Variants in APBA2 observed in about 807,000 individuals in gnomAD.
APBA2 encodes the protein amyloid beta precursor protein binding family A member 2.
A neutral mutation model predicts 75.0 loss-of-function variants in APBA2; 30 were observed. The observed-to-expected ratio is 0.40, with a 90% confidence interval of 0.30 to 0.54. The LOEUF (loss-of-function observed/expected upper bound fraction) is 0.54. Ranked by LOEUF, APBA2 falls within the 20% of genes least tolerant of loss-of-function variation. The pLI is 0.49. For synonymous variants in APBA2, 444 were observed against 409.6 expected, an observed-to-expected ratio of 1.08 and a Z score of -1.01; for missense variants, 801 against 1,016.1, an observed-to-expected ratio of 0.79 and a Z score of 2.88.
intron 2 of APBA2, among the ~76,000 whole-genome samples, chr15:28,944,518 C>T (rs1287832050): frequency 3.9e-5 from 6 of 152,246 alleles, no homozygotes; most frequent in African/African-American, 1.4e-4. Flanking sequence ...TGCGGACTCG[C>T]TCCTCGCAAT....
chr15:29,039,938 T>C (rs1315741490), intron 3 of APBA2, among the ~76,000 whole-genome samples: 3 of 152,132 alleles, frequency 2.0e-5, no homozygotes, highest in South Asian at 4.1e-4. Flanking sequence ...CACATTAGAA[T>C]AGAGTTTCTG....
At chr15:28,944,775 G>T (rs1415788956) in intron 2 of APBA2, among the ~76,000 whole-genome samples, 1 of 152,228 alleles carries the variant, frequency 6.6e-6, no homozygotes, top group East Asian at 1.9e-4. Context: ...AAAAGAACAT[G>T]AAATGTGGTT....
chr15:28,949,108 G>A (rs78307649), intron 2 of APBA2, among the ~76,000 whole-genome samples: 3 of 152,014 alleles, frequency 2.0e-5, no homozygotes, highest in Non-Finnish European at 4.4e-5. Flanking sequence ...CTGGCTGAGC[G>A]TCATGGCAGG....
At chr15:28,895,082 C>G (rs1348827151) in intron 1 of APBA2, among the ~76,000 whole-genome samples, 2 of 152,200 alleles carry the variant, frequency 1.3e-5, no homozygotes, top group African/African-American at 2.4e-5. Flanking sequence ...TAACTTGCCC[C>G]TGTTTTTCTA....
At chr15:28,925,033 A>G (rs1406078694) in intron 2 of APBA2, among the ~76,000 whole-genome samples, 1 of 151,986 alleles carries the variant, frequency 6.6e-6, no homozygotes, top group Admixed American at 6.5e-5. Context: ...GATGTTCTTT[A>G]TCAAGCTGAA....
At chr15:29,004,927 G>T (rs2039034149) in intron 3 of APBA2, among the ~76,000 whole-genome samples, 1 of 152,118 alleles carries the variant, frequency 6.6e-6, no homozygotes, top group African/African-American at 2.4e-5. Flanking sequence ...TGATCCACCC[G>T]CCTTGGGCTC....
At chr15:28,933,111 C>A (rs908533227) in intron 2 of APBA2, among the ~76,000 whole-genome samples, 1 of 152,050 alleles carries the variant, frequency 6.6e-6, no homozygotes, top group Admixed American at 6.6e-5. Context: ...CCCACTCTCG[C>A]GATAATGGCA....
chr15:29,015,161 A>G (rs1417200196), intron 3 of APBA2, among the ~76,000 whole-genome samples: 2 of 152,146 alleles, frequency 1.3e-5, no homozygotes, highest in Admixed American at 1.3e-4. Flanking sequence ...GGAGAAATGA[A>G]TGGGATCCAC....
intron 4 of APBA2, among the ~76,000 whole-genome samples, chr15:29,062,214 C>T (rs1186761301): frequency 6.6e-6 from 1 of 152,104 alleles, no homozygotes; most frequent in Non-Finnish European, 1.5e-5. Context: ...GTCCCTTGCC[C>T]CGCCCACCCA....
Position 29,053,861 on chromosome 15 carries a change from A to C in APBA2, c.-24A>C. On this transcript the variant is annotated 5_prime_UTR_variant, in exon 4 of 15. The change abolishes an upstream ATG in the 5' untranslated region. Coordinates refer to ENST00000683413, the MANE Select transcript of APBA2 (RefSeq NM_001353788.2). ...TCCCCACAGTGGCTGCCTCCGGGTG[A>C]TGATGGCTGTGTGAACGACTGCCAT... is the stretch of plus-strand genomic sequence containing the variant. The C allele has an allele frequency of 6.2e-7, 1 of 1,602,642 alleles. No individual in the cohort carries two copies. Among genetic ancestry groups the C allele is most frequent in the Non-Finnish European group, 8.5e-7 (1 of 1,171,686 alleles).
At chr15:28,989,895 C>A (rs2038129289) in intron 2 of APBA2, among the ~76,000 whole-genome samples, 1 of 152,188 alleles carries the variant, frequency 6.6e-6, no homozygotes, top group African/African-American at 2.4e-5. Flanking sequence ...CACCAAGTTC[C>A]AGTTCTTAAT....
At chr15:28,957,618 G>A (rs2152732289) in intron 2 of APBA2, among the ~76,000 whole-genome samples, 1 of 152,248 alleles carries the variant, frequency 6.6e-6, no homozygotes, top group East Asian at 1.9e-4. Flanking sequence ...GCAGCTCTCT[G>A]TGGTTTGGAT....
intron 2 of APBA2, among the ~76,000 whole-genome samples, chr15:28,955,115 TCAGA>T (rs1311554952): frequency 6.6e-6 from 1 of 152,144 alleles, no homozygotes; most frequent in Admixed American, 6.5e-5. Flanking sequence ...TAGGACTTTG[TCAGA>T]CAGTTTGATT....
intron 2 of APBA2, among the ~76,000 whole-genome samples, chr15:28,959,939 T>G (rs886237422): frequency 6.6e-6 from 1 of 151,962 alleles, no homozygotes; most frequent in African/African-American, 2.4e-5. Flanking sequence ...AACCCAGGAA[T>G]TTGAGAGCAG....
intron 3 of APBA2, among the ~76,000 whole-genome samples, chr15:29,001,331 C>T (rs151002347): frequency 6.6e-6 from 1 of 152,138 alleles, no homozygotes; most frequent in Non-Finnish European, 1.5e-5. Context: ...CCACCTCAGC[C>T]CCCTGAGTAG....
intron 7 of APBA2, 45 bp downstream of exon 7, chr15:29,093,265 G>C: frequency 5.0e-6 from 8 of 1,610,262 alleles, no homozygotes; most frequent in Non-Finnish European, 6.8e-6. Context: ...GCACACTTTG[G>C]GGGGCACTAG....
chr15:29,024,703 A>G (rs1329138668), intron 3 of APBA2, among the ~76,000 whole-genome samples: 1 of 152,166 alleles, frequency 6.6e-6, no homozygotes, highest in Non-Finnish European at 1.5e-5. Flanking sequence ...ATAGGACGAG[A>G]ATTTTTCTTC....
intron 2 of APBA2, chr15:28,961,557 G>A (rs1190658864): frequency 1.3e-5 from 2 of 152,258 alleles, no homozygotes; most frequent in Admixed American, 6.5e-5. Context: ...TGGACTCTGA[G>A]CTGGATGTGA....
Position 29,004,630 on chromosome 15 carries a change from C to T in APBA2, c.-41+8824C>T, listed in dbSNP as rs189188221. 1.4e-3 allele frequency among the ~76,000 whole-genome samples: 207 copies of T among 152,228 alleles called. 6 individuals are homozygous for T. Among genetic ancestry groups the T allele is most frequent in the Admixed American group, 0.012 (187 of 15,284 alleles). ...AGTTGAGGACCACTGGCATAACGCA[C>T]GGCTGCTCGAACTCCAGTGTGCGCC... On this transcript the variant is annotated intron_variant, in intron 3 of 14. Coordinates refer to ENST00000683413, the MANE Select transcript of APBA2 (RefSeq NM_001353788.2).
Sources: allele counts gnomAD v4.1 joint callset (sites outside exome capture counted in the v4.1 genomes callset), GRCh38; gene constraint gnomAD v4.1.1; transcripts MANE v1.5; gene names NCBI Gene and HGNC (gene_info 2026-07-23, HGNC 2026-07-21).